Variants in NRDC observed in about 807,000 individuals in gnomAD.
The protein encoded by NRDC is nardilysin convertase.
In NRDC, 54 loss-of-function variants were observed where a neutral mutation model predicts 147.1. The ratio of observed to expected loss-of-function variants is 0.37; its 90% CI spans 0.29 to 0.46. The LOEUF (loss-of-function observed/expected upper bound fraction) is 0.46, where lower values mean the gene tolerates loss of function less well. NRDC is among the 20% of genes least tolerant of loss of function. The pLI is 1.00. For synonymous variants in NRDC, 440 were observed against 482.1 expected (o/e 0.91, Z 1.14); for missense variants, 1,082 against 1,370.6 (o/e 0.79, Z 3.33).
At chr1:51,830,251 C>A (rs566540047) in intron 4 of NRDC, among the ~76,000 whole-genome samples, 58 of 152,306 alleles carry the variant, frequency 3.8e-4, no homozygotes, top group South Asian at 1.2e-3. Flanking sequence ...GCATGAGCCA[C>A]TGCGTCTGGC....
At chr1:51,840,701 T>G (rs1369249160) in intron 1 of NRDC, among the ~76,000 whole-genome samples, 187 bp from the exon 2 acceptor site, 15 of 152,212 alleles carry the variant, frequency 9.9e-5, no homozygotes. Context: ...AATCAGTTTT[T>G]GAACAGCTGG....
rs1679739896 is a variant in NRDC, at chr1:51,811,930, T to C, written c.1779+64A>G. 4 of 1,060,052 alleles carry C rather than the reference T, an allele frequency of 3.8e-6. No homozygotes were observed. In the African/African-American group the frequency reaches 4.7e-5, roughly 12 times the overall value. The allele number at this position is 1,060,052 out of a possible 1,614,324, so 65.7% of individuals were successfully genotyped here. On this transcript the variant is annotated intron_variant, in intron 15 of 30. Transcript: ENST00000352171. ...TTCGTTCCCATGGTTCTTAAATACA[T>C]CTTCGTACTTTCTCACCCTCCTCTT...
chr1:51,850,837 A>G (rs1311821492), intron 1 of NRDC, among the ~76,000 whole-genome samples: 1 of 152,204 alleles, frequency 6.6e-6, no homozygotes, highest in Non-Finnish European at 1.5e-5. Flanking sequence ...TTTAAGGGTT[A>G]GTCACCTGGT....
intron 20 of NRDC, among the ~76,000 whole-genome samples, chr1:51,802,442 T>C (rs933406420): frequency 1.3e-5 from 2 of 152,240 alleles, no homozygotes; most frequent in African/African-American, 4.8e-5. Context: ...TCAAATACTT[T>C]TCCATGGTTT....
intron 1 of NRDC, among the ~76,000 whole-genome samples, chr1:51,860,560 G>A (rs984696696): frequency 6.6e-6 from 1 of 152,158 alleles, no homozygotes; most frequent in South Asian, 2.1e-4. Flanking sequence ...ATACACCTTG[G>A]TCACCGGGAG....
rs149621210 is a variant in NRDC at position 51,857,086 on chromosome 1, T to TAA, written c.342-16574_342-16573dup. On this transcript the variant is annotated intron_variant, in intron 1 of 30. Coordinates refer to ENST00000352171, the MANE Select transcript of NRDC (RefSeq NM_001101662.2). ...AACAGTGGATGAAAACCAATATATA[T>TAA]AACATCTGTTAAATTAAGTCTAACC... Among the ~76,000 whole-genome samples, 1,185 of 152,326 alleles carry TAA rather than the reference T, an allele frequency of 7.8e-3. 15 individuals are homozygous for TAA. Among genetic ancestry groups the TAA allele is most frequent in the African/African-American group, 0.027 (1,142 of 41,566 alleles).
chr1:51,821,810 CA>C (rs1277681546), intron 7 of NRDC, among the ~76,000 whole-genome samples: 1 of 151,968 alleles, frequency 6.6e-6, no homozygotes, highest in Non-Finnish European at 1.5e-5. Context: ...ACAAGTTTAA[CA>C]AAAAAATATA....
At chr1:51,833,941 T>C in intron 4 of NRDC, 76 bp downstream of exon 4, 1 of 1,271,744 alleles carries the variant, frequency 7.9e-7, no homozygotes, top group Non-Finnish European at 1.1e-6. Flanking sequence ...ACAATTCTAC[T>C]GTACAAGAAC....
chr1:51,840,128 T>A (rs1034726280), intron 2 of NRDC, 98 bp downstream of exon 2: 19 of 938,190 alleles, frequency 2.0e-5, no homozygotes, highest in East Asian at 4.9e-5. Flanking sequence ...GACCAAAAGA[T>A]AACTATATAC....
intron 1 of NRDC, among the ~76,000 whole-genome samples, chr1:51,858,639 C>A (rs986595088): frequency 6.6e-6 from 1 of 152,156 alleles, no homozygotes; most frequent in East Asian, 1.9e-4. Context: ...AGCAGACTTG[C>A]TTCTTTTTTA....
Position 51,878,471 on chromosome 1 carries a change from C to G in NRDC, c.145G>C (p.Ala49Pro), listed in dbSNP as rs558117986. ...SAAARPFPIL[A>P]MPGRNKAKST... ...TTCGCCTTGTTCCTTCCAGGCATGG[C>G]CAGAATAGGAAAGGGTCTGGCAGCA... The change falls in exon 1 of 31, where the codon GCC becomes CCC. Residue 49 changes from alanine to proline, a missense_variant. By Grantham distance (27) the Ala-to-Pro change is conservative (BLOSUM62 -1). Transcript: ENST00000352171. The G allele has an allele frequency of 6.2e-7, 1 of 1,613,960 alleles. No individual in the cohort carries two copies. Among genetic ancestry groups the G allele is most frequent in the Non-Finnish European group, 8.5e-7 (1 of 1,180,018 alleles).
intron 1 of NRDC, among the ~76,000 whole-genome samples, chr1:51,871,360 A>C (rs1017000984): frequency 6.6e-6 from 1 of 151,542 alleles, no homozygotes. Context: ...AACTCACTAC[A>C]ACCTGGTTTC....
chr1:51,874,542 G>A (rs549054368), intron 1 of NRDC, among the ~76,000 whole-genome samples: 9 of 152,012 alleles, frequency 5.9e-5, no homozygotes, highest in African/African-American at 9.6e-5. Context: ...CTGGGAGGTC[G>A]AGGCTGCAGT....
In NRDC at chr1:51,847,223, GCA is replaced by G. The variant is rs1289060715; in HGVS notation, c.342-6711_342-6710del. On this transcript the variant is annotated intron_variant, in intron 1 of 30. Transcript: ENST00000352171. ...GGTGTGTTCATTAACCTCGAGCTAGGCACAGAGTGCTGACTGGTGTATCCACA... is the reference window on the plus strand; with the variant it reads ...GGTGTGTTCATTAACCTCGAGCTAGGCAGAGTGCTGACTGGTGTATCCACA... Among the ~76,000 whole-genome samples, 4 of 152,230 alleles carry G rather than the reference GCA, an allele frequency of 2.6e-5. No homozygotes were observed. The East Asian group carries it at 7.7e-4, about 29-fold the overall frequency.
At chr1:51,806,980 G>A in intron 17 of NRDC, 67 bp from the exon 18 acceptor site, 1 of 1,548,342 alleles carries the variant, frequency 6.5e-7, no homozygotes, top group Admixed American at 2.1e-5. Context: ...TCTGTTATTG[G>A]CTTCAGAAGT....
chr1:51,840,127 A>G (rs1373250732), intron 2 of NRDC, 99 bp downstream of exon 2: 10 of 930,328 alleles, frequency 1.1e-5, no homozygotes, highest in African/African-American at 3.3e-5. Flanking sequence ...AGACCAAAAG[A>G]TAACTATATA....
At chr1:51,822,618 G>C (rs774492611) in intron 7 of NRDC, among the ~76,000 whole-genome samples, 20 of 152,180 alleles carry the variant, frequency 1.3e-4, no homozygotes, top group Admixed American at 2.6e-4. Flanking sequence ...TGCCATCATA[G>C]AGGAAGAGAA....
chr1:51,833,816 T>C (rs1557918271), intron 4 of NRDC, among the ~76,000 whole-genome samples: 1 of 152,156 alleles, frequency 6.6e-6, no homozygotes, highest in Non-Finnish European at 1.5e-5. Flanking sequence ...GTTCTTACTA[T>C]TTTGCCCAAG....
intron 1 of NRDC, among the ~76,000 whole-genome samples, chr1:51,873,748 T>A (rs561694321): frequency 1.6e-4 from 25 of 151,684 alleles, no homozygotes; most frequent in Non-Finnish European, 2.7e-4. Flanking sequence ...TGACCTCAGA[T>A]GATCCACCCA....
Sources: gnomAD v4.1 joint callset for allele counts (sites outside exome capture counted in the v4.1 genomes callset) on GRCh38, gnomAD v4.1.1 for gene constraint, MANE v1.5 for transcripts, NCBI Gene and HGNC (gene_info 2026-07-23, HGNC 2026-07-21) for gene names.